Variants in ITGA11 observed in about 807,000 individuals in gnomAD.
ITGA11 encodes integrin alpha-11.
ITGA11 carries 97 observed loss-of-function variants against 141.9 expected under a neutral mutation model. The observed-to-expected ratio is 0.68, with a 90% CI of 0.58 to 0.81. The LOEUF (loss-of-function observed/expected upper bound fraction) is 0.81. ITGA11 is among the 30% of genes least tolerant of loss of function. The pLI is 0.00. For synonymous variants in ITGA11, 658 were observed against 624.6 expected, an observed-to-expected ratio of 1.05 and a Z score of -0.80; for missense variants, 1,387 against 1,559.2, an observed-to-expected ratio of 0.89 and a Z score of 1.86.
intron 9 of ITGA11, among the ~76,000 whole-genome samples, chr15:68,350,304 C>A (rs1894863970): frequency 6.6e-6 from 1 of 152,140 alleles, no homozygotes; most frequent in Non-Finnish European, 1.5e-5. Flanking sequence ...CCCACCTCAG[C>A]TTCCTAAGTA....
At chr15:68,348,012 T>A (rs979510308) in intron 10 of ITGA11, among the ~76,000 whole-genome samples, 3 of 152,190 alleles carry the variant, frequency 2.0e-5, no homozygotes, top group African/African-American at 7.2e-5. Context: ...GTATCGATAC[T>A]GACAGATGCA....
intron 2 of ITGA11, among the ~76,000 whole-genome samples, chr15:68,371,742 C>T (rs1895596958): frequency 6.6e-6 from 1 of 151,876 alleles, no homozygotes; most frequent in Non-Finnish European, 1.5e-5. Context: ...GAAAGAAAGG[C>T]ACCGAGAAAC....
At chr15:68,358,381 T>C in intron 6 of ITGA11, 77 bp downstream of exon 6, 13 of 1,480,762 alleles carry the variant, frequency 8.8e-6, no homozygotes, top group Non-Finnish European at 1.1e-5. Flanking sequence ...CAAAGATCTC[T>C]CTTAGACCTA....
At chr15:68,396,315 C>T (rs1220893477) in intron 2 of ITGA11, among the ~76,000 whole-genome samples, 1 of 151,952 alleles carries the variant, frequency 6.6e-6, no homozygotes, top group Non-Finnish European at 1.5e-5. Context: ...TGAAGGAGAA[C>T]CTTATGTCAG....
intron 1 of ITGA11, among the ~76,000 whole-genome samples, chr15:68,422,397 G>C (rs1264730952): frequency 1.3e-5 from 2 of 152,032 alleles, no homozygotes; most frequent in Non-Finnish European, 2.9e-5. Context: ...CTGGTGACCA[G>C]GCCCTGTTAA....
At chr15:68,392,381 C>A (rs1424321499) in intron 2 of ITGA11, among the ~76,000 whole-genome samples, 1 of 152,166 alleles carries the variant, frequency 6.6e-6, no homozygotes, top group African/African-American at 2.4e-5. Flanking sequence ...CCTGTTCACC[C>A]CAGCTTTTCC....
chr15:68,380,005 G>T (rs7170403), intron 2 of ITGA11, among the ~76,000 whole-genome samples: 1 of 152,094 alleles, frequency 6.6e-6, no homozygotes, highest in Non-Finnish European at 1.5e-5. Context: ...AATGTGGCCA[G>T]TGAGGTGTAC....
At chr15:68,361,537 C>T in intron 5 of ITGA11, 53 bp downstream of exon 5, 4 of 1,219,720 alleles carry the variant, frequency 3.3e-6, no homozygotes, top group Non-Finnish European at 4.7e-6. Flanking sequence ...GGGCCCAAGT[C>T]TCTCTGGACT....
intron 11 of ITGA11, among the ~76,000 whole-genome samples, chr15:68,337,519 C>T (rs1344132291): frequency 2.6e-5 from 4 of 152,020 alleles, no homozygotes; most frequent in South Asian, 2.1e-4. Flanking sequence ...GACTCCTAGA[C>T]GGAGGAGGAG....
intron 2 of ITGA11, among the ~76,000 whole-genome samples, chr15:68,392,982 T>C (rs1183764704): frequency 1.3e-5 from 2 of 151,884 alleles, no homozygotes; most frequent in African/African-American, 2.4e-5. Context: ...TTAAAGAAAA[T>C]AGAACAAAAG....
chr15:68,333,848 T>C lies in ITGA11; in HGVS notation c.1426-1370A>G, dbSNP rs940861378. 1.3e-5 allele frequency among the ~76,000 whole-genome samples: 2 copies of C among 152,156 alleles called. No homozygotes were observed. Among genetic ancestry groups the C allele is most frequent in the African/African-American group, 4.8e-5 (2 of 41,444 alleles). Reference sequence around the variant, plus strand: ...CCACAAGCTCCTGCTCCCACTGCAGTGCTCCCGGGTCCTGCCAAACTGAGT... The same window carrying C: ...CCACAAGCTCCTGCTCCCACTGCAGCGCTCCCGGGTCCTGCCAAACTGAGT... On this transcript the variant is annotated intron_variant, in intron 12 of 29. Transcript: ENST00000315757. The surrounding 1 kb of genome is among the most constrained non-coding windows in gnomAD (Gnocchi z 4.2).
At chr15:68,392,991 A>C (rs569224547) in intron 2 of ITGA11, among the ~76,000 whole-genome samples, 1 of 152,356 alleles carries the variant, frequency 6.6e-6, no homozygotes, top group African/African-American at 2.4e-5. Flanking sequence ...ATAGAACAAA[A>C]GATGGACAAT....
In ITGA11 at chr15:68,368,860, C is replaced by T. The variant is rs918703004; in HGVS notation, c.265+324G>A. 3.2e-3 allele frequency among the ~76,000 whole-genome samples: 425 copies of T among 134,842 alleles called. 2 individuals carry two copies. The highest frequency in any genetic ancestry group is 0.011 in the African/African-American group (404 of 35,982). The allele number at this position is 134,842 out of a possible 152,430, so 88.5% of individuals were successfully genotyped here. On this transcript the variant is annotated intron_variant, in intron 3 of 29. Transcript: ENST00000315757. ...AAAATCAGGAAAAAGACAGGAAGTC[C>T]TTTTTTTTTTTTTTTTCTCCTGGGA...
At chr15:68,428,443 A>G (rs1425545339) in intron 1 of ITGA11, among the ~76,000 whole-genome samples, 1 of 152,158 alleles carries the variant, frequency 6.6e-6, no homozygotes, top group Admixed American at 6.5e-5. Context: ...AAGAGCATGG[A>G]GATAGACATC....
rs1893132069 is a variant in ITGA11 at position 68,304,691 on chromosome 15, C to G, written c.3382-806G>C. Reference sequence around the variant, plus strand: ...CAACTGTAACAGGCCCCTAACCAAGCTCTTAACACCCCAGCCCCCGAAGCC... The same window carrying G: ...CAACTGTAACAGGCCCCTAACCAAGGTCTTAACACCCCAGCCCCCGAAGCC... On this transcript the variant is annotated intron_variant, in intron 28 of 29. Transcript: ENST00000315757. The surrounding 1 kb of genome is among the most constrained non-coding windows in gnomAD (Gnocchi z 6.1). 6.6e-6 allele frequency among the ~76,000 whole-genome samples: 1 copy of G among 152,196 alleles called. No homozygotes were observed. The highest frequency in any genetic ancestry group is 1.5e-5 in the Non-Finnish European group (1 of 68,034).
chr15:68,337,768 G>A (rs1349978345), intron 11 of ITGA11, among the ~76,000 whole-genome samples: 1 of 152,114 alleles, frequency 6.6e-6, no homozygotes, highest in East Asian at 1.9e-4. Context: ...TCTGGCATTC[G>A]AGGCCTCCTG....
chr15:68,303,231 G>T lies in ITGA11; in HGVS notation c.3496-101C>A. ...CTTTCCTTGGGATTCCTCCCTCAGGGCTTCCTTGAGTACCCCCAGCTCATT... is the reference window on the plus strand; with the variant it reads ...CTTTCCTTGGGATTCCTCCCTCAGGTCTTCCTTGAGTACCCCCAGCTCATT... On this transcript the variant is annotated intron_variant, in intron 29 of 29. Transcript: ENST00000315757. This position sits in a 1 kb window ranked among gnomAD's most constrained non-coding sequence, Gnocchi z 5.3. 6 of 981,214 alleles carry T rather than the reference G, an allele frequency of 6.1e-6. No individual in the cohort carries two copies. The highest frequency in any genetic ancestry group is 9.3e-6 in the Non-Finnish European group (6 of 647,658). The allele number at this position is 981,214 out of a possible 1,614,324, so 60.8% of individuals were successfully genotyped here. A position where few individuals can be genotyped will look rare whatever the true frequency, so the allele number is the denominator to read the frequency against.
chr15:68,321,518 G>C lies in ITGA11; in HGVS notation c.2323-15C>G. 6.3e-7 allele frequency: 1 copy of C among 1,581,466 alleles called. No individual in the cohort carries two copies. ...CAGAAGGGCACCTGGGCCAGGGAGA[G>C]CCAGGTGTGGGCAGCTGGGTAGGGA... On this transcript the variant is annotated splice_polypyrimidine_tract_variant and intron_variant, in intron 18 of 29. Coordinates refer to ENST00000315757, the MANE Select transcript of ITGA11 (RefSeq NM_001004439.2). This position sits in a 1 kb window ranked among gnomAD's most constrained non-coding sequence, Gnocchi z 4.9.
chr15:68,412,720 G>T (rs1439306919), intron 1 of ITGA11, among the ~76,000 whole-genome samples: 5 of 119,614 alleles, frequency 4.2e-5, no homozygotes, highest in African/African-American at 9.7e-5. Flanking sequence ...CTGTCACCCA[G>T]ACTGGAGTAC....
Sources: gnomAD v4.1 joint callset for allele counts (sites outside exome capture counted in the v4.1 genomes callset) on GRCh38, gnomAD v4.1.1 for gene constraint, Gnocchi (gnomAD v3.1) non-coding constraint, MANE v1.5 for transcripts, NCBI Gene and HGNC (gene_info 2026-07-23, HGNC 2026-07-21) for gene names.